DYDC2: variants seen among roughly 807,000 people sequenced by gnomAD.
DYDC2 encodes the protein DPY30 domain-containing protein 2.
Under a neutral mutation model 18.7 loss-of-function variants are expected in DYDC2, and 19 were observed. That is an observed-to-expected ratio of 1.02 (90% CI 0.71 to 1.49). The LOEUF (loss-of-function observed/expected upper bound fraction) is 1.49. DYDC2 is among the 40% of genes most tolerant of loss of function. The pLI is 0.00. For synonymous variants in DYDC2, 63 were observed against 67.6 expected (o/e 0.93, Z 0.34); for missense variants, 179 against 205.1 (o/e 0.87, Z 0.78).
At chr10:80,366,208 T>G (rs1843834779) in intron 4 of DYDC2, among the ~76,000 whole-genome samples, 1 of 151,960 alleles carries the variant, frequency 6.6e-6, no homozygotes, top group Non-Finnish European at 1.5e-5. Flanking sequence ...AATTTTTTTA[T>G]TTTTAGTAGA....
chr10:80,358,651 G>A (rs187760372), intron 2 of DYDC2, among the ~76,000 whole-genome samples: 1 of 152,150 alleles, frequency 6.6e-6, no homozygotes, highest in Admixed American at 6.5e-5. Context: ...CAGTGATCCA[G>A]GCAAAGTAGA....
rs1191093937 is a variant in DYDC2 at position 80,362,693 on chromosome 10, G to C, written c.147+103G>C. 3.4e-6 allele frequency: 5 copies of C among 1,491,302 alleles called. No individual in the cohort carries two copies. The South Asian group carries it at 4.3e-5, about 13-fold the overall frequency. 92.4% of individuals were successfully genotyped at this position (1,491,302 alleles called of 1,614,324 possible). On this transcript the variant is annotated intron_variant, in intron 3 of 4. Coordinates refer to ENST00000256039, the MANE Select transcript of DYDC2 (RefSeq NM_032372.6). ...CTGGAGCTGGCCTGGGGAATTTCTT[G>C]GTTTATTTGACTTGCTCTTAGAGCC...
chr10:80,358,114 C>A lies in DYDC2; in HGVS notation c.-10+69C>A, dbSNP rs536814229. On this transcript the variant is annotated intron_variant, in intron 2 of 4. Transcript: ENST00000256039. ...CCCCTTGGCCAGGCGCGGTGGCTCA[C>A]CGCCTGTAATCCTAGCACTTTGGGA... The A allele has an allele frequency of 1.1e-5, 11 of 964,504 alleles. No individual in the cohort carries two copies. In the East Asian group the frequency reaches 1.2e-3, roughly 101 times the overall value. 59.7% of individuals were successfully genotyped at this position (964,504 alleles called of 1,614,324 possible).
At chr10:80,352,606 A>G, upstream of DYDC2, 1 of 1,595,246 alleles carries the variant, frequency 6.3e-7, no homozygotes. Flanking sequence ...CTCCATTTCT[A>G]ACTCCTAAAA....
intron 4 of DYDC2, among the ~76,000 whole-genome samples, chr10:80,365,164 C>CA (rs1843789722): frequency 6.6e-6 from 1 of 151,506 alleles, no homozygotes; most frequent in Admixed American, 6.6e-5. Flanking sequence ...TAAAAAAAAA[C>CA]AAAAAAACAT....
chr10:80,362,585 G>T lies in DYDC2; in HGVS notation c.142G>T (p.Glu48Ter). 6.2e-7 allele frequency: 1 copy of T among 1,610,244 alleles called. No individual in the cohort carries two copies. Among genetic ancestry groups the T allele is most frequent in the East Asian group, 2.2e-5 (1 of 44,754 alleles). ...TTACAGGAAAACAGCAAAAGCAAAA[G>T]AAGAGGTGTGTATGTGCACTGGGAC... Reference protein sequence around the residue: ...YHYRKTAKAKEENREKKIHLQ... With the variant: ...YHYRKTAKAK The change falls in exon 3 of 5, where the codon GAA becomes TAA. Residue 48 changes from glutamate to a stop codon, truncating the protein, a stop_gained. Coordinates refer to ENST00000256039, the MANE Select transcript of DYDC2 (RefSeq NM_032372.6). LOFTEE classifies it high-confidence loss of function.
intron 2 of DYDC2, among the ~76,000 whole-genome samples, chr10:80,361,163 A>G (rs1234418392): frequency 6.7e-6 from 1 of 148,996 alleles, no homozygotes; most frequent in Non-Finnish European, 1.5e-5. Context: ...TATAACAGTT[A>G]CTCTTTTTTT....
chr10:80,357,227 C>T (rs1412011440), intron 1 of DYDC2, among the ~76,000 whole-genome samples: 2 of 141,950 alleles, frequency 1.4e-5, no homozygotes, highest in African/African-American at 5.3e-5. Context: ...CGGGCGCGCT[C>T]CAGGGGGCGG....
upstream of DYDC2, among the ~76,000 whole-genome samples, chr10:80,354,899 G>T (rs373369849): frequency 6.6e-6 from 1 of 152,046 alleles, no homozygotes. Flanking sequence ...CTACAGCAGC[G>T]CAAACTAAAA....
intron 1 of DYDC2, among the ~76,000 whole-genome samples, chr10:80,346,450 T>C (rs1054268757): frequency 9.6e-6 from 1 of 103,632 alleles, no homozygotes; most frequent in Non-Finnish European, 1.9e-5. Context: ...CTTTCTTTTT[T>C]TTTTTTTTTT....
upstream of DYDC2, chr10:80,352,590 T>C: frequency 1.9e-6 from 3 of 1,603,110 alleles, no homozygotes; most frequent in East Asian, 2.2e-5. Context: ...TTTGAAGATA[T>C]ATTGACTCCA....
chr10:80,352,545 T>C, upstream of DYDC2: 1 of 1,613,754 alleles, frequency 6.2e-7, no homozygotes. Context: ...TTGCCACTTC[T>C]GCAAGACCTT....
intron 2 of DYDC2, among the ~76,000 whole-genome samples, chr10:80,360,302 C>T (rs1843625661): frequency 6.6e-6 from 1 of 152,154 alleles, no homozygotes; most frequent in South Asian, 2.1e-4. Flanking sequence ...TCAGGAGGCT[C>T]TGGGGAGAAT....
At chr10:80,366,122 T>C (rs1474884092) in intron 4 of DYDC2, among the ~76,000 whole-genome samples, 1 of 100,760 alleles carries the variant, frequency 9.9e-6, no homozygotes, top group Non-Finnish European at 1.9e-5. Flanking sequence ...AACCTCTGCC[T>C]CCCCGGTTCA....
At chr10:80,361,163 ACT>A (rs1357496613) in intron 2 of DYDC2, among the ~76,000 whole-genome samples, 1 of 148,996 alleles carries the variant, frequency 6.7e-6, no homozygotes, top group African/African-American at 2.5e-5. Context: ...TATAACAGTT[ACT>A]CTTTTTTTTT....
At chr10:80,346,477 T>TTTTTTTTTTTTTTC (rs1589508887) in intron 1 of DYDC2, among the ~76,000 whole-genome samples, 1 of 142,938 alleles carries the variant, frequency 7.0e-6, no homozygotes, top group African/African-American at 2.6e-5. Context: ...TTTTTCTTTT[T>TTTTTTTTTTTTTTC]TGAGACGGAG....
intron 1 of DYDC2, among the ~76,000 whole-genome samples, chr10:80,350,070 C>A (rs1482289465): frequency 1.3e-5 from 2 of 152,160 alleles, no homozygotes; most frequent in African/African-American, 2.4e-5. Context: ...CTCAGCCACA[C>A]TCTCTCAAGC....
chr10:80,361,433 C>G (rs1265367380), intron 2 of DYDC2, among the ~76,000 whole-genome samples: 2 of 152,142 alleles, frequency 1.3e-5, no homozygotes, highest in Non-Finnish European at 2.9e-5. Context: ...GGAATTAATA[C>G]TTAATTTGTG....
Position 80,364,032 on chromosome 10 carries a change from G to A in DYDC2, c.270+959G>A, listed in dbSNP as rs1040416508. Among the ~76,000 whole-genome samples the A allele has an allele frequency of 1.6e-4, 25 of 152,184 alleles. 1 individual carries two copies. Among genetic ancestry groups the A allele is most frequent in the Admixed American group, 3.3e-4 (5 of 15,280 alleles). ...GTGGTAGATACCTGGATAGAGAGTCGTCTCAATTGCAATGTTGGGTTTGAT... is the reference window on the plus strand; with the variant it reads ...GTGGTAGATACCTGGATAGAGAGTCATCTCAATTGCAATGTTGGGTTTGAT... On this transcript the variant is annotated intron_variant, in intron 4 of 4. Transcript: ENST00000256039.
Sources: allele counts gnomAD v4.1 joint callset (sites outside exome capture counted in the v4.1 genomes callset), GRCh38; gene constraint gnomAD v4.1.1; transcripts MANE v1.5; gene names NCBI Gene and HGNC (gene_info 2026-07-23, HGNC 2026-07-21).